The following PDE1A variants were observed in gnomAD, a reference collection of about 807,000 sequenced individuals.
PDE1A encodes phosphodiesterase 1A.
Under a neutral mutation model 61.7 loss-of-function variants are expected in PDE1A, and 35 were observed. That is an observed-to-expected ratio of 0.57 (90% confidence interval 0.43 to 0.75). The LOEUF (loss-of-function observed/expected upper bound fraction) is 0.75. Among genes scored for constraint, PDE1A ranks in the 30% least tolerant of loss-of-function variants. PDE1A has a pLI of 0.00. For missense variants in PDE1A, 597 were observed against 630.6 expected, an observed-to-expected ratio of 0.95 and a Z score of 0.57; for synonymous variants, 232 against 213.2, an observed-to-expected ratio of 1.09 and a Z score of -0.77.
At chr2:182,393,762 A>T (rs577212852) in intron 1 of PDE1A, among the ~76,000 whole-genome samples, 1 of 152,152 alleles carries the variant, frequency 6.6e-6, no homozygotes, top group Non-Finnish European at 1.5e-5. Flanking sequence ...AATTCCACAG[A>T]TCTCCAGGGC....
upstream of PDE1A, among the ~76,000 whole-genome samples, chr2:182,526,210 C>T (rs773450324): frequency 1.3e-5 from 2 of 152,054 alleles, no homozygotes; most frequent in Non-Finnish European, 2.9e-5. Flanking sequence ...GACTAAGGTA[C>T]TCTTAAAACT....
chr2:182,304,657 GA>G (rs1695462972), intron 1 of PDE1A, among the ~76,000 whole-genome samples: 1 of 152,142 alleles, frequency 6.6e-6, no homozygotes, highest in Non-Finnish European at 1.5e-5. Flanking sequence ...GTGTCTCAAA[GA>G]ATAGGAAGGC....
At chr2:182,462,083 C>T (rs1187325755) in intron 2 of PDE1A, among the ~76,000 whole-genome samples, 1 of 151,874 alleles carries the variant, frequency 6.6e-6, no homozygotes, top group Non-Finnish European at 1.5e-5. Flanking sequence ...AACCAAACAC[C>T]TCATAGGTGG....
the PDE1A span, among the ~76,000 whole-genome samples, chr2:182,701,317 G>A: frequency 1.3e-5 from 2 of 151,484 alleles, no homozygotes; most frequent in Non-Finnish European, 2.9e-5. Context: ...TTACAGGTGT[G>A]AGCCACCGCG....
intron 1 of PDE1A, among the ~76,000 whole-genome samples, chr2:182,396,786 A>T (rs767020921): frequency 6.6e-5 from 10 of 152,164 alleles, no homozygotes; most frequent in Non-Finnish European, 1.2e-4. Context: ...CTTTATTTGA[A>T]GATTATGTAT....
the PDE1A span, among the ~76,000 whole-genome samples, chr2:182,644,707 G>A: frequency 3.9e-5 from 6 of 152,096 alleles, no homozygotes; most frequent in African/African-American, 1.4e-4. Context: ...TCAGAGGACT[G>A]TGGTGATGAA....
At chr2:182,701,165 G>C in the PDE1A span, among the ~76,000 whole-genome samples, 5 of 150,934 alleles carry the variant, frequency 3.3e-5, no homozygotes, top group East Asian at 1.0e-3. Flanking sequence ...CTCCCAAGTA[G>C]CTGAGACTAC....
chr2:182,486,209 C>A (rs938426292), intron 2 of PDE1A, among the ~76,000 whole-genome samples: 1 of 151,814 alleles, frequency 6.6e-6, no homozygotes, highest in Non-Finnish European at 1.5e-5. Flanking sequence ...ATTCAAAAAT[C>A]ATCAAAAAGT....
At chr2:182,494,758 G>T (rs1010206223) in intron 2 of PDE1A, among the ~76,000 whole-genome samples, 8 of 151,896 alleles carry the variant, frequency 5.3e-5, no homozygotes, top group African/African-American at 1.9e-4. Flanking sequence ...CTTCCACTTG[G>T]AATCTTCTTC....
intron 10 of PDE1A, 82 bp downstream of exon 10, chr2:182,201,357 T>C: frequency 6.6e-7 from 1 of 1,519,554 alleles, no homozygotes; most frequent in South Asian, 1.3e-5. Flanking sequence ...TCACAAGCCC[T>C]GGATTCCATA....
chr2:182,498,555 A>C (rs2125909012), intron 2 of PDE1A, among the ~76,000 whole-genome samples: 1 of 152,288 alleles, frequency 6.6e-6, no homozygotes, highest in South Asian at 2.1e-4. Context: ...TATCAAATTA[A>C]AAAAATGAAA....
upstream of PDE1A, among the ~76,000 whole-genome samples, chr2:182,527,883 T>C (rs995930892): frequency 2.6e-5 from 4 of 152,096 alleles, no homozygotes; most frequent in Non-Finnish European, 5.9e-5. Context: ...CATTCTCTCG[T>C]CTGCCACCAT....
intron 1 of PDE1A, among the ~76,000 whole-genome samples, chr2:182,315,333 A>C (rs1696268604): frequency 6.6e-6 from 1 of 152,168 alleles, no homozygotes. Context: ...TTTACCATCT[A>C]CTATGTGCCA....
At chr2:182,585,653 G>A in the PDE1A span, among the ~76,000 whole-genome samples, 3 of 152,062 alleles carry the variant, frequency 2.0e-5, no homozygotes, top group Non-Finnish European at 1.5e-5. Flanking sequence ...ATAACACAAG[G>A]AAAACAAGAA....
chr2:182,414,050 G>A, intron 1 of PDE1A, among the ~76,000 whole-genome samples: 1 of 152,104 alleles, frequency 6.6e-6, no homozygotes, highest in Non-Finnish European at 1.5e-5. Context: ...TCGGCACTCA[G>A]AATAGAGTTG....
chr2:182,495,852 C>A (rs1331442770), intron 2 of PDE1A, among the ~76,000 whole-genome samples: 1 of 152,168 alleles, frequency 6.6e-6, no homozygotes, highest in Non-Finnish European at 1.5e-5. Context: ...ATATTTAAAT[C>A]CCACTCTATA....
intron 1 of PDE1A, among the ~76,000 whole-genome samples, chr2:182,321,113 TTATTTA>T (rs1696665775): frequency 6.7e-6 from 1 of 148,442 alleles, no homozygotes; most frequent in South Asian, 2.1e-4. Flanking sequence ...GAGTGACTGT[TTATTTA>T]AAGCAGATAG....
chr2:182,653,555 T>C, the PDE1A span, among the ~76,000 whole-genome samples: 1 of 152,212 alleles, frequency 6.6e-6, no homozygotes, highest in African/African-American at 2.4e-5. Flanking sequence ...CTGTAAGTGC[T>C]TGAATGAGGT....
chr2:182,285,046 T>G (rs1686758354), intron 1 of PDE1A, among the ~76,000 whole-genome samples: 1 of 152,082 alleles, frequency 6.6e-6, no homozygotes, highest in Non-Finnish European at 1.5e-5. Context: ...TCTTATACTC[T>G]TGTACTTTCT....
Sources: gnomAD v4.1 joint callset for allele counts (sites outside exome capture counted in the v4.1 genomes callset) on GRCh38, gnomAD v4.1.1 for gene constraint, MANE v1.5 for transcripts, NCBI Gene and HGNC (gene_info 2026-07-23, HGNC 2026-07-21) for gene names.